The following SGCD variants were observed in gnomAD, a reference collection of about 807,000 sequenced individuals.
SGCD encodes sarcoglycan delta.
SGCD carries 18 observed loss-of-function variants against 36.6 expected under a neutral mutation model. The observed-to-expected ratio is 0.49, with a 90% confidence interval of 0.34 to 0.73. SGCD has a LOEUF of 0.73. Among genes scored for constraint, SGCD ranks in the 30% least tolerant of loss-of-function variants. The pLI, the probability that SGCD is intolerant of heterozygous loss-of-function variation, is 0.01. For missense variants in SGCD, 387 were observed against 346.7 expected (o/e 1.12, Z -0.92); for synonymous variants, 133 against 130.6 (o/e 1.02, Z -0.12).
intron 1 of SGCD, among the ~76,000 whole-genome samples, chr5:155,900,419 C>T (rs1381402214): frequency 6.6e-6 from 1 of 150,680 alleles, no homozygotes; most frequent in Non-Finnish European, 1.5e-5. Context: ...TTGCAACTAG[C>T]TTTTTTTTAT....
chr5:156,466,231 G>A (rs929795121), intron 3 of SGCD, among the ~76,000 whole-genome samples: 1 of 152,124 alleles, frequency 6.6e-6, no homozygotes, highest in Non-Finnish European at 1.5e-5. Flanking sequence ...CTATAGGGGA[G>A]GATTAGGTGA....
chr5:155,821,104 A>T, the SGCD span, among the ~76,000 whole-genome samples: 8 of 152,312 alleles, frequency 5.3e-5, no homozygotes, highest in East Asian at 1.5e-3. Context: ...CAAGAGCCAG[A>T]AAAAGCAATA....
At position 156,296,506 on chromosome 5, in the gene SGCD, CTAAG is replaced by C. The variant is rs370868429; in HGVS notation, c.-43-33026_-43-33023del. Among the ~76,000 whole-genome samples, 412 of 152,200 alleles carry C rather than the reference CTAAG, an allele frequency of 2.7e-3. 6 individuals carry two copies. In the Middle Eastern group the frequency reaches 0.041, roughly 15 times the overall value. On this transcript the variant is annotated intron_variant, in intron 3 of 9. Transcript: ENST00000517913. ...CTTAACACTGCATTTTCATTTGTCT[CTAAG>C]TGTTTTCTAATGCCTCTTGTGATTT...
intron 1 of SGCD, among the ~76,000 whole-genome samples, chr5:155,950,451 G>A (rs1480351683): frequency 1.3e-5 from 2 of 152,112 alleles, no homozygotes; most frequent in Non-Finnish European, 2.9e-5. Flanking sequence ...GCTCAGAAGC[G>A]GTTAAACCCG....
At chr5:156,352,291 C>T (rs1504946) in intron 3 of SGCD, among the ~76,000 whole-genome samples, 61,499 of 152,064 alleles carry the variant, frequency 0.4, 13,290 homozygotes, top group East Asian at 0.78. Flanking sequence ...CCTTAGGAGT[C>T]ACCTCATCAG....
At chr5:156,383,365 G>A (rs914597991) in intron 3 of SGCD, among the ~76,000 whole-genome samples, 10 of 152,136 alleles carry the variant, frequency 6.6e-5, no homozygotes, top group Middle Eastern at 3.4e-3. Flanking sequence ...TTACCCGGGC[G>A]TGCAGCATGT....
rs1753988935 is a variant in SGCD, at chr5:156,688,488, T to C, written c.575+40952T>C. On this transcript the variant is annotated intron_variant, in intron 7 of 8. Coordinates refer to ENST00000337851, the MANE Select transcript of SGCD (RefSeq NM_000337.6). ...AACAACAGAAACTCATTCTGATTAATTACCTAAAAGGGGATTTTTTTAAAG... is the reference window on the plus strand; with the variant it reads ...AACAACAGAAACTCATTCTGATTAACTACCTAAAAGGGGATTTTTTTAAAG... 3.3e-5 allele frequency among the ~76,000 whole-genome samples: 5 copies of C among 152,160 alleles called. No homozygotes were observed. The South Asian group carries it at 1.0e-3, about 32-fold the overall frequency.
intron 1 of SGCD, among the ~76,000 whole-genome samples, chr5:155,955,238 T>C (rs1476240964): frequency 6.6e-6 from 1 of 152,132 alleles, no homozygotes; most frequent in East Asian, 1.9e-4. Flanking sequence ...CCCGGTCAAA[T>C]TGACACACAA....
At chr5:155,971,314 C>G (rs1758002639) in intron 1 of SGCD, among the ~76,000 whole-genome samples, 1 of 152,136 alleles carries the variant, frequency 6.6e-6, no homozygotes, top group Non-Finnish European at 1.5e-5. Flanking sequence ...CTCCTCTAAT[C>G]CATCTTTATC....
At chr5:156,242,614 CT>C (rs1423731003) in intron 3 of SGCD, among the ~76,000 whole-genome samples, 1 of 152,166 alleles carries the variant, frequency 6.6e-6, no homozygotes, top group Non-Finnish European at 1.5e-5. Context: ...TGTGGGATCT[CT>C]CTGTATTACT....
intron 1 of SGCD, among the ~76,000 whole-genome samples, chr5:156,000,807 T>C (rs1758648354): frequency 6.6e-6 from 1 of 151,706 alleles, no homozygotes; most frequent in Admixed American, 6.6e-5. Flanking sequence ...CACATATATA[T>C]ATATATATTT....
the SGCD span, among the ~76,000 whole-genome samples, chr5:155,855,626 A>G: frequency 1.7e-4 from 26 of 152,342 alleles, no homozygotes; most frequent in African/African-American, 5.3e-4. Context: ...TTATATTTTT[A>G]TAGAGTGGTA....
chr5:156,546,652 G>A (rs1758586889), intron 4 of SGCD, among the ~76,000 whole-genome samples: 1 of 152,114 alleles, frequency 6.6e-6, no homozygotes, highest in South Asian at 2.1e-4. Context: ...ATTAGAGAAA[G>A]CTTTATGGAA....
At chr5:156,068,601 A>G (rs1482954508) in intron 1 of SGCD, among the ~76,000 whole-genome samples, 2 of 151,814 alleles carry the variant, frequency 1.3e-5, no homozygotes, top group Non-Finnish European at 2.9e-5. Flanking sequence ...ATGTGCCTTT[A>G]TAGCAGCATG....
chr5:155,793,328 C>T, the SGCD span, among the ~76,000 whole-genome samples: 5 of 152,074 alleles, frequency 3.3e-5, no homozygotes, highest in Non-Finnish European at 7.4e-5. Context: ...ACCATTCATA[C>T]TCCAAACCTC....
chr5:156,390,077 G>A (rs1771483098), intron 3 of SGCD, among the ~76,000 whole-genome samples: 1 of 152,114 alleles, frequency 6.6e-6, no homozygotes, highest in African/African-American at 2.4e-5. Flanking sequence ...AACCTACCAA[G>A]CTGCCAGTTG....
chr5:156,262,898 G>GGTGT (rs66684897), intron 3 of SGCD, among the ~76,000 whole-genome samples: 2,338 of 147,856 alleles, frequency 0.016, 27 homozygotes, highest in Non-Finnish European at 0.024. Flanking sequence ...AGTATTCCAT[G>GGTGT]GTGTGTGTGT....
chr5:155,798,433 C>T, the SGCD span, among the ~76,000 whole-genome samples: 1 of 152,064 alleles, frequency 6.6e-6, no homozygotes, highest in Non-Finnish European at 1.5e-5. Flanking sequence ...ATAGATTTAC[C>T]TTCTGATTAA....
At chr5:156,006,570 T>C (rs1758764223) in intron 1 of SGCD, among the ~76,000 whole-genome samples, 2 of 152,170 alleles carry the variant, frequency 1.3e-5, no homozygotes, top group African/African-American at 4.8e-5. Context: ...AAATATTTTG[T>C]TTTGTTCACT....
Sources: gnomAD v4.1 joint callset for allele counts (sites outside exome capture counted in the v4.1 genomes callset) on GRCh38, gnomAD v4.1.1 for gene constraint, MANE v1.5 for transcripts, NCBI Gene and HGNC (gene_info 2026-07-23, HGNC 2026-07-21) for gene names.